The following GNB5 variants were observed in gnomAD, a reference collection of about 807,000 sequenced individuals.
GNB5 encodes the protein guanine nucleotide-binding protein subunit beta-5.
A neutral mutation model predicts 55.3 loss-of-function variants in GNB5; 37 were observed. The observed-to-expected ratio is 0.67, with a 90% CI of 0.51 to 0.88. The LOEUF (loss-of-function observed/expected upper bound fraction) is 0.88, where lower values mean the gene tolerates loss of function less well. Among genes scored for constraint, GNB5 ranks in the 40% least tolerant of loss-of-function variants. GNB5 has a pLI of 0.00. For synonymous variants in GNB5, 219 were observed against 198.5 expected (o/e 1.10, Z -0.87); for missense variants, 476 against 515.3 (o/e 0.92, Z 0.74).
chr15:52,183,879 C>T (rs1275930451), intron 2 of GNB5, among the ~76,000 whole-genome samples: 2 of 152,216 alleles, frequency 1.3e-5, no homozygotes, highest in East Asian at 1.9e-4. Flanking sequence ...GCACAGCCAC[C>T]TCTGGTGAGG....
At chr15:52,135,784 G>A (rs759471193) in intron 7 of GNB5, 28 bp from the exon 8 acceptor site, 1 of 1,608,012 alleles carries the variant, frequency 6.2e-7, no homozygotes, top group South Asian at 1.1e-5. Flanking sequence ...CAGGAAGTGG[G>A]TGGTTGTGGT....
intron 4 of GNB5, among the ~76,000 whole-genome samples, chr15:52,152,218 AG>A (rs2034112067): frequency 6.6e-6 from 1 of 152,092 alleles, no homozygotes; most frequent in South Asian, 2.1e-4. Flanking sequence ...CAGTTTCACA[AG>A]GGTTATAAAA....
At position 52,116,074 on chromosome 15, in the gene GNB5, AT is replaced by A. The variant is rs2033137337; in HGVS notation, c.*6682del. On this transcript the variant is annotated 3_prime_UTR_variant, in exon 13 of 13. Transcript: ENST00000261837. ...TTCATCGATTCATCCACTGTGGAAC[AT>A]TGGGGCTGTTTCAGCTTTGGGCTAT... 1 of 152,198 alleles carries A rather than the reference AT, an allele frequency of 6.6e-6. No individual in the cohort carries two copies. Among genetic ancestry groups the A allele is most frequent in the Admixed American group, 6.5e-5 (1 of 15,286 alleles). 9.4% of individuals were successfully genotyped at this position (152,198 alleles called of 1,614,324 possible).
intron 1 of GNB5, 96 bp downstream of exon 1, chr15:52,191,226 A>T (rs2034922717): frequency 6.6e-6 from 1 of 152,222 alleles, no homozygotes. Context: ...CACCGCACAG[A>T]AAGACCTGCT....
chr15:52,137,052 G>A (rs1364031434), intron 7 of GNB5: 7 of 457,936 alleles, frequency 1.5e-5, no homozygotes, highest in Admixed American at 2.5e-5. Flanking sequence ...AAGCTAAAAC[G>A]GCCTTGCAAG....
At chr15:52,146,736 ATTTTTT>A (rs60737688) in intron 6 of GNB5, among the ~76,000 whole-genome samples, 3 of 110,912 alleles carry the variant, frequency 2.7e-5, no homozygotes, top group Admixed American at 1.9e-4. Flanking sequence ...AGCTAATTAG[ATTTTTT>A]TTTTTTTTTT....
In GNB5 at chr15:52,133,341, AGAACAGAGAGGTGGCAT is replaced by A; in HGVS notation, c.863+20_863+36del. The stretch of plus-strand genomic sequence containing the variant: ...ATTACCCAAGCCAGGCAATGCCGGC[AGAACAGAGAGGTGGCAT>A]GAACATTCTACTCACTGACCGGACA... On this transcript the variant is annotated intron_variant, in intron 9 of 12. Coordinates refer to ENST00000261837, the MANE Select transcript of GNB5 (RefSeq NM_016194.4). The A allele has an allele frequency of 7.3e-7, 1 of 1,365,448 alleles. No homozygotes were observed. Among genetic ancestry groups the A allele is most frequent in the South Asian group, 1.2e-5 (1 of 85,924 alleles). The allele number at this position is 1,365,448 out of a possible 1,614,324, so 84.6% of individuals were successfully genotyped here.
rs1032326687 is a variant in GNB5, at chr15:52,152,124, T to C, written c.375+1816A>G. On this transcript the variant is annotated intron_variant, in intron 4 of 12. Coordinates refer to ENST00000261837, the MANE Select transcript of GNB5 (RefSeq NM_016194.4). ...CAATGTGACATACTAGATTTGTAGGTAATCTAGGAGAGTAATAACATTTGT... is the reference window on the plus strand; with the variant it reads ...CAATGTGACATACTAGATTTGTAGGCAATCTAGGAGAGTAATAACATTTGT... Among the ~76,000 whole-genome samples, 13 of 149,874 alleles carry C rather than the reference T, an allele frequency of 8.7e-5. No homozygotes were observed. The East Asian group carries it at 2.5e-3, about 29-fold the overall frequency.
At chr15:52,186,184 C>T (rs1023440590) in intron 1 of GNB5, among the ~76,000 whole-genome samples, 2 of 152,230 alleles carry the variant, frequency 1.3e-5, no homozygotes, top group Non-Finnish European at 2.9e-5. Flanking sequence ...AATGTATAAC[C>T]AGTCGCTAAT....
chr15:52,154,302 T>TCA (rs2034162830), intron 3 of GNB5, among the ~76,000 whole-genome samples: 1 of 152,234 alleles, frequency 6.6e-6, no homozygotes, highest in African/African-American at 2.4e-5. Flanking sequence ...TCTTTGTGTT[T>TCA]AAGACCCTAC....
rs551056026 is a variant in GNB5 at position 52,126,626 on chromosome 15, GTTTAA to G, written c.913-587_913-583del. 3.3e-3 allele frequency among the ~76,000 whole-genome samples: 499 copies of G among 152,174 alleles called. 1 individual carries two copies. The highest frequency in any genetic ancestry group is 0.011 in the African/African-American group (460 of 41,532). On this transcript the variant is annotated intron_variant, in intron 10 of 12. Transcript: ENST00000261837. ...AGCCAAACCCTGTTGTTTTGGTTGT[GTTTAA>G]TTTTTCTTTTTTATAAATAATATTA...
intron 6 of GNB5, among the ~76,000 whole-genome samples, chr15:52,145,199 T>C (rs939778480): frequency 1.3e-5 from 2 of 152,106 alleles, no homozygotes; most frequent in Non-Finnish European, 2.9e-5. Context: ...GTTACACATG[T>C]AGTACAAATA....
intron 3 of GNB5, among the ~76,000 whole-genome samples, chr15:52,157,176 T>C (rs995179511): frequency 3.9e-5 from 6 of 151,994 alleles, no homozygotes; most frequent in Admixed American, 2.6e-4. Flanking sequence ...GACCTTGTGA[T>C]CCGCCAGCCT....
At chr15:52,132,180 G>T (rs2033594842) in intron 9 of GNB5, among the ~76,000 whole-genome samples, 1 of 151,932 alleles carries the variant, frequency 6.6e-6, no homozygotes, top group African/African-American at 2.4e-5. Flanking sequence ...GCACAAACAG[G>T]CTGATAGCCT....
chr15:52,158,302 T>C (rs2034258863), intron 3 of GNB5, among the ~76,000 whole-genome samples: 1 of 152,194 alleles, frequency 6.6e-6, no homozygotes, highest in East Asian at 1.9e-4. Context: ...CGGGGACAAC[T>C]ATTCAAGCCT....
At chr15:52,169,834 G>A (rs114752925) in intron 3 of GNB5, among the ~76,000 whole-genome samples, 1,552 of 152,022 alleles carry the variant, frequency 0.01, 30 homozygotes, top group African/African-American at 0.036. Flanking sequence ...ATAAAAGTCT[G>A]ATATCCAGAA....
At chr15:52,124,234 C>T (rs2033359254) in intron 12 of GNB5, among the ~76,000 whole-genome samples, 1 of 152,042 alleles carries the variant, frequency 6.6e-6, no homozygotes, top group Non-Finnish European at 1.5e-5. Flanking sequence ...TATTCCCTCA[C>T]CTACAGGCTG....
chr15:52,186,252 C>T (rs527429516), intron 1 of GNB5, among the ~76,000 whole-genome samples: 3 of 152,348 alleles, frequency 2.0e-5, no homozygotes, highest in South Asian at 4.1e-4. Context: ...AGCCCACTCC[C>T]GGTCCCTCTT....
chr15:52,125,556 C>G (rs933214974), intron 11 of GNB5: 1 of 158,612 alleles, frequency 6.3e-6, no homozygotes, highest in African/African-American at 2.4e-5. Flanking sequence ...GCTGGGATTA[C>G]AGGCGTGAGC....
Sources: gnomAD v4.1 joint callset for allele counts (sites outside exome capture counted in the v4.1 genomes callset) on GRCh38, gnomAD v4.1.1 for gene constraint, MANE v1.5 for transcripts, NCBI Gene and HGNC (gene_info 2026-07-23, HGNC 2026-07-21) for gene names.